Variants in FRMPD2 observed in about 807,000 individuals in gnomAD.
FRMPD2 encodes the protein FERM and PDZ domain-containing protein 2.
Under a neutral mutation model 140.1 loss-of-function variants are expected in FRMPD2, and 96 were observed. That is an observed-to-expected ratio of 0.69 (90% CI 0.58 to 0.81). FRMPD2 has a LOEUF of 0.81. Ranked by LOEUF, FRMPD2 falls within the 40% of genes least tolerant of loss-of-function variation. FRMPD2 has a pLI of 0.00. For synonymous variants in FRMPD2, 449 were observed against 547.6 expected (o/e 0.82, Z 2.52); for missense variants, 1,240 against 1,447.4 (o/e 0.86, Z 2.32).
At chr10:48,184,408 T>C (rs1838624771) in intron 20 of FRMPD2, among the ~76,000 whole-genome samples, 158 bp downstream of exon 20, 1 of 152,100 alleles carries the variant, frequency 6.6e-6, no homozygotes, top group Admixed American at 6.5e-5. Flanking sequence ...GCAAAGCTTA[T>C]TAATTTGTGC....
intron 16 of FRMPD2, among the ~76,000 whole-genome samples, chr10:48,192,193 G>A (rs1191793059): frequency 6.6e-6 from 1 of 152,186 alleles, no homozygotes; most frequent in Non-Finnish European, 1.5e-5. Flanking sequence ...GTTTAACATA[G>A]ACTTAGCCCA....
At chr10:48,185,380 C>T (rs895984394) in intron 18 of FRMPD2, among the ~76,000 whole-genome samples, 173 bp downstream of exon 18, 1 of 152,038 alleles carries the variant, frequency 6.6e-6, no homozygotes, top group Non-Finnish European at 1.5e-5. Context: ...AGTCCCATTG[C>T]TCTTTAGGAA....
intron 12 of FRMPD2, among the ~76,000 whole-genome samples, chr10:48,217,254 G>A (rs1339089883): frequency 1.3e-5 from 2 of 152,178 alleles, no homozygotes; most frequent in East Asian, 1.9e-4. Flanking sequence ...TACTGCTTTG[G>A]TGCTGGATAA....
chr10:48,218,127 A>C lies in FRMPD2; in HGVS notation c.1455+4186T>G, dbSNP rs150828341. ...GCCTTTCCTCTGTACTTGTGCCTCC[A>C]TGGTGTTTCTTTGTGTGTCCAAATT... On this transcript the variant is annotated intron_variant, in intron 12 of 28. Coordinates refer to ENST00000374201, the MANE Select transcript of FRMPD2 (RefSeq NM_001018071.4). Among the ~76,000 whole-genome samples, 12 of 152,208 alleles carry C rather than the reference A, an allele frequency of 7.9e-5. No homozygotes were observed. The East Asian group carries it at 2.3e-3, about 29-fold the overall frequency.
At chr10:48,259,162 T>G (rs1840537383) in intron 1 of FRMPD2, among the ~76,000 whole-genome samples, 1 of 152,228 alleles carries the variant, frequency 6.6e-6, no homozygotes, top group Non-Finnish European at 1.5e-5. Flanking sequence ...GTGTATTAGT[T>G]GAATCCTCAC....
rs116266683 is a variant in FRMPD2, at chr10:48,185,645, C to G, written c.2267G>C (p.Gly756Ala). 1.9e-5 allele frequency: 31 copies of G among 1,612,122 alleles called. No homozygotes were observed. The highest frequency in any genetic ancestry group is 3.3e-5 in the South Asian group (3 of 91,056). Residue 756 changes from glycine (G) to alanine (A), a missense_variant and splice_region_variant, in exon 18 of 29, where the codon GGC (glycine) becomes GCC (alanine). By Grantham distance (60) the Gly-to-Ala change is moderately conservative (BLOSUM62 0). Coordinates refer to ENST00000374201, the MANE Select transcript of FRMPD2 (RefSeq NM_001018071.4). ...SGPPVQSMHAGSKNNRRKSFI... is the reference protein window; with the variant it reads ...SGPPVQSMHAASKNNRRKSFI... The stretch of plus-strand genomic sequence containing the variant: ...GCTCTTCCTCCTATTATTCTTTGAG[C>G]CTAGAGGTAGAATCAGAGCACCACA...
chr10:48,240,621 T>G (rs2131945666), intron 5 of FRMPD2, 129 bp from the exon 6 acceptor site: 1 of 1,284,534 alleles, frequency 7.8e-7, no homozygotes, highest in Non-Finnish European at 1.1e-6. Flanking sequence ...CCTAAAGATG[T>G]GTTCTCTGGC....
At chr10:48,232,681 G>T (rs1345974025) in intron 9 of FRMPD2, among the ~76,000 whole-genome samples, 1 of 152,136 alleles carries the variant, frequency 6.6e-6, no homozygotes, top group Non-Finnish European at 1.5e-5. Flanking sequence ...TCAATCTGTC[G>T]ATCTGACATT....
At chr10:48,209,225 CATT>C (rs1477454769) in intron 13 of FRMPD2, among the ~76,000 whole-genome samples, 1 of 152,148 alleles carries the variant, frequency 6.6e-6, no homozygotes, top group African/African-American at 2.4e-5. Flanking sequence ...AGGATACAAT[CATT>C]ATGATTTCAA....
intron 16 of FRMPD2, among the ~76,000 whole-genome samples, chr10:48,188,560 C>T (rs563916715): frequency 6.6e-6 from 1 of 152,274 alleles, no homozygotes; most frequent in African/African-American, 2.4e-5. Context: ...CTCTGAGAGT[C>T]CCCAGCCTGC....
At chr10:48,202,559 A>G (rs1396785655) in intron 14 of FRMPD2, among the ~76,000 whole-genome samples, 2 of 152,224 alleles carry the variant, frequency 1.3e-5, no homozygotes, top group African/African-American at 4.8e-5. Flanking sequence ...TCTGAATCCA[A>G]TTGAACTGTA....
At chr10:48,270,797 C>G (rs1840753832) in intron 1 of FRMPD2, among the ~76,000 whole-genome samples, 1 of 151,590 alleles carries the variant, frequency 6.6e-6, no homozygotes. Context: ...ACATTTTTGT[C>G]TCCTTCCCAT....
intron 15 of FRMPD2, among the ~76,000 whole-genome samples, chr10:48,196,551 C>T (rs141817670): frequency 3.5e-4 from 53 of 152,276 alleles, no homozygotes; most frequent in African/African-American, 1.1e-3. Flanking sequence ...TCCCAGTTTC[C>T]TGCAGGGAGG....
At chr10:48,206,720 G>C in intron 14 of FRMPD2, 28 bp downstream of exon 14, 1 of 1,591,138 alleles carries the variant, frequency 6.3e-7, no homozygotes, top group Non-Finnish European at 8.6e-7. Context: ...ATGAAGTGCA[G>C]GTTATTTATC....
chr10:48,271,238 G>C (rs536951993), intron 1 of FRMPD2, among the ~76,000 whole-genome samples: 2 of 152,056 alleles, frequency 1.3e-5, no homozygotes, highest in African/African-American at 4.8e-5. Flanking sequence ...GGGGACACTC[G>C]CATCTGGAGC....
At chr10:48,187,866 A>G (rs1838726567) in intron 16 of FRMPD2, among the ~76,000 whole-genome samples, 1 of 152,180 alleles carries the variant, frequency 6.6e-6, no homozygotes, top group Non-Finnish European at 1.5e-5. Context: ...CATGCTGTGA[A>G]CAAGAAGCAT....
chr10:48,217,303 G>C (rs531787003), intron 12 of FRMPD2, among the ~76,000 whole-genome samples: 1 of 152,274 alleles, frequency 6.6e-6, no homozygotes, highest in South Asian at 2.1e-4. Flanking sequence ...CTTACCCTCA[G>C]GTGTTTTCTA....
chr10:48,260,966 C>A (rs1840579930), intron 1 of FRMPD2, among the ~76,000 whole-genome samples: 3 of 152,102 alleles, frequency 2.0e-5, no homozygotes, highest in Admixed American at 2.0e-4. Context: ...TAGAAAATTT[C>A]TTAAAAGTTA....
Position 48,187,236 on chromosome 10 carries a change from G to T in FRMPD2, c.2222C>A (p.Thr741Asn). ...KSACVIQKPMTWDSLSGPPVQ... is the reference protein window; with the variant it reads ...KSACVIQKPMNWDSLSGPPVQ... ...AGGTGGTCCAGAGAGAGAGTCCCAG[G>T]TCATTGGCTTCTGGATCACACAGGC... Residue 741 changes from threonine (T) to asparagine (N), a missense_variant, in exon 17 of 29, where the codon ACC becomes AAC. Physicochemically the swap from Thr to Asn is moderately conservative, Grantham distance 65. This residue lies in a region of FRMPD2 where 1,161 missense variants were observed against 1,055.9 expected (regional missense o/e 1.10). Transcript: ENST00000374201. 6.2e-7 allele frequency: 1 copy of T among 1,614,084 alleles called. No homozygotes were observed. The highest frequency in any genetic ancestry group is 8.5e-7 in the Non-Finnish European group (1 of 1,179,982).
Sources: allele counts gnomAD v4.1 joint callset (sites outside exome capture counted in the v4.1 genomes callset), GRCh38; gene constraint gnomAD v4.1.1; regional missense constraint gnomAD v4.1.1; transcripts MANE v1.5; gene names NCBI Gene and HGNC (gene_info 2026-07-23, HGNC 2026-07-21).